FRMD4B: variants seen among roughly 807,000 people sequenced by gnomAD.
The protein encoded by FRMD4B is FERM domain containing 4B, also known as FERM domain-containing protein 4B.
Under a neutral mutation model 141.5 loss-of-function variants are expected in FRMD4B, and 74 were observed. The observed-to-expected ratio is 0.52, with a 90% CI of 0.43 to 0.63. FRMD4B has a LOEUF of 0.63. Among genes scored for constraint, FRMD4B ranks in the 30% least tolerant of loss-of-function variants. The pLI is 0.00. For synonymous variants in FRMD4B, 506 were observed against 467.9 expected, an observed-to-expected ratio of 1.08 and a Z score of -1.05; for missense variants, 1,366 against 1,253.4, an observed-to-expected ratio of 1.09 and a Z score of -1.36.
At chr3:69,245,656 TTTC>T (rs2093419732) in intron 7 of FRMD4B, among the ~76,000 whole-genome samples, 1 of 103,444 alleles carries the variant, frequency 9.7e-6, no homozygotes, top group Non-Finnish European at 1.9e-5. Context: ...CTTGGCTGAT[TTTC>T]TTTTCTTTTT....
chr3:69,344,837 G>GA (rs1281073051), intron 1 of FRMD4B, among the ~76,000 whole-genome samples: 2 of 151,966 alleles, frequency 1.3e-5, no homozygotes, highest in African/African-American at 2.4e-5. Context: ...AAGAAAAAAA[G>GA]AAAAAACAAC....
At chr3:69,236,851 G>A (rs1176787958) in intron 7 of FRMD4B, among the ~76,000 whole-genome samples, 3 of 152,182 alleles carry the variant, frequency 2.0e-5, no homozygotes, top group Non-Finnish European at 4.4e-5. Flanking sequence ...CAGAAAGCTA[G>A]AGCTCAAGTT....
At chr3:69,234,316 C>G (rs2093330525) in intron 7 of FRMD4B, among the ~76,000 whole-genome samples, 1 of 151,034 alleles carries the variant, frequency 6.6e-6, no homozygotes, top group Admixed American at 6.6e-5. Context: ...AACTATCAAT[C>G]AAACCATTTG....
At chr3:69,357,840 G>A (rs1703367896) in intron 1 of FRMD4B, among the ~76,000 whole-genome samples, 1 of 152,134 alleles carries the variant, frequency 6.6e-6, no homozygotes, top group African/African-American at 2.4e-5. Flanking sequence ...AATTTAGTGA[G>A]GTTTGCACTA....
chr3:69,283,763 T>C (rs2093654758), intron 5 of FRMD4B, among the ~76,000 whole-genome samples: 2 of 152,220 alleles, frequency 1.3e-5, no homozygotes, highest in Admixed American at 6.5e-5. Flanking sequence ...GTTTGTTATA[T>C]AGGTGTCTAC....
Position 69,182,565 on chromosome 3 carries a change from A to C in FRMD4B, c.2039+33T>G, listed in dbSNP as rs556587870. On this transcript the variant is annotated intron_variant, in intron 20 of 22. Transcript: ENST00000398540. ...ACAGAACCTCAAAGCAAAAATCAAGACAGCTAAAGCAATGAGAAAGAAGCT... is the reference window on the plus strand; with the variant it reads ...ACAGAACCTCAAAGCAAAAATCAAGCCAGCTAAAGCAATGAGAAAGAAGCT... The C allele has an allele frequency of 1.9e-5, 29 of 1,562,692 alleles. No individual in the cohort carries two copies. In the Admixed American group the frequency reaches 2.6e-4, roughly 14 times the overall value.
chr3:69,525,134 A>G (rs573992327), intron 1 of FRMD4B, among the ~76,000 whole-genome samples: 1 of 152,380 alleles, frequency 6.6e-6, no homozygotes, highest in South Asian at 2.1e-4. Context: ...ATGAGAGCTG[A>G]AAGGAAAACA....
At chr3:69,467,921 A>G (rs999603003) in intron 1 of FRMD4B, among the ~76,000 whole-genome samples, 1 of 152,220 alleles carries the variant, frequency 6.6e-6, no homozygotes. Context: ...CCAATGTGGA[A>G]AAACGCAGAG....
intron 1 of FRMD4B, among the ~76,000 whole-genome samples, chr3:69,319,032 C>T (rs920233689): frequency 3.3e-5 from 5 of 152,206 alleles, no homozygotes; most frequent in Non-Finnish European, 7.3e-5. Flanking sequence ...CCAAAACAAA[C>T]ACAAACCCTG....
At chr3:69,267,616 T>G (rs1575674853) in intron 5 of FRMD4B, among the ~76,000 whole-genome samples, 2 of 98,734 alleles carry the variant, frequency 2.0e-5, no homozygotes, top group Non-Finnish European at 3.8e-5. Context: ...TATATATATA[T>G]ATATATATAT....
chr3:69,406,286 G>A (rs1704648657), intron 2 of FRMD4B, among the ~76,000 whole-genome samples: 1 of 152,156 alleles, frequency 6.6e-6, no homozygotes, highest in Non-Finnish European at 1.5e-5. Context: ...ATGGCTCTTG[G>A]AAAACCTCAT....
At position 69,458,871 on chromosome 3, in the gene FRMD4B, AAAG is replaced by A. The variant is rs1286690957; in HGVS notation, c.-128-26113_-128-26111del. ...GCTTAAAAAAAAAAAAAAAAAAAAA[AAAG>A]GAGTCTAATTTGCTCCAAAGACCCA... On this transcript the variant is annotated intron_variant, in intron 1 of 5. Transcript: ENST00000459638. 8.6e-3 allele frequency among the ~76,000 whole-genome samples: 1,308 copies of A among 151,432 alleles called. 10 individuals carry two copies. The highest frequency in any genetic ancestry group is 0.016 in the Non-Finnish European group (1,079 of 67,774).
chr3:69,541,457 T>A (rs1701183171), intron 1 of FRMD4B: 1 of 152,206 alleles, frequency 6.6e-6, no homozygotes, highest in Non-Finnish European at 1.5e-5. Flanking sequence ...CTGCGGCTGC[T>A]TTCTCAGGCG....
At chr3:69,515,654 C>G (rs1700745670) in intron 1 of FRMD4B, among the ~76,000 whole-genome samples, 1 of 151,702 alleles carries the variant, frequency 6.6e-6, no homozygotes, top group African/African-American at 2.4e-5. Context: ...AAATAATTAT[C>G]AAAATATTAA....
intron 1 of FRMD4B, among the ~76,000 whole-genome samples, chr3:69,466,297 T>C (rs1705785653): frequency 6.6e-6 from 1 of 152,230 alleles, no homozygotes; most frequent in Non-Finnish European, 1.5e-5. Context: ...ATTAGCCCTC[T>C]GTCAGATGGG....
At chr3:69,457,779 C>T (rs1356436380) in intron 1 of FRMD4B, among the ~76,000 whole-genome samples, 1 of 152,192 alleles carries the variant, frequency 6.6e-6, no homozygotes, top group Non-Finnish European at 1.5e-5. Flanking sequence ...CCCTTGCGCC[C>T]ACAATCACAT....
rs764229250 is a variant in FRMD4B at position 69,176,507 on chromosome 3, G to A, written c.2984+17C>T. On this transcript the variant is annotated intron_variant, in intron 22 of 22. Coordinates refer to ENST00000398540, the MANE Select transcript of FRMD4B (RefSeq NM_015123.3). ...ACTGGAACAGGCTCCTAGGATTTTC[G>A]AGCATTGCTTCCTCACCTGCTTGGA... 32 of 1,602,554 alleles carry A rather than the reference G, an allele frequency of 2.0e-5. No homozygotes were observed. The highest frequency in any genetic ancestry group is 6.6e-5 in the South Asian group (6 of 90,526).
At chr3:69,244,578 A>T (rs2106735476) in intron 7 of FRMD4B, among the ~76,000 whole-genome samples, 1 of 152,130 alleles carries the variant, frequency 6.6e-6, no homozygotes, top group East Asian at 1.9e-4. Context: ...GGTTGCAGTG[A>T]GCCAAGATGG....
rs80011119 is a variant in FRMD4B, at chr3:69,500,648, T to C, written c.-129+41558A>G. ...AAGGGCACAAAGTGAGGGCACATAGTTACCTGAACCTGGTAAGAACTGGAA... is the reference window on the plus strand; with the variant it reads ...AAGGGCACAAAGTGAGGGCACATAGCTACCTGAACCTGGTAAGAACTGGAA... On this transcript the variant is annotated intron_variant, in intron 1 of 5. Transcript: ENST00000459638. 1.4e-3 allele frequency among the ~76,000 whole-genome samples: 209 copies of C among 152,142 alleles called. 8 individuals are homozygous for C. The East Asian group carries it at 0.035, about 25-fold the overall frequency.
Sources: allele counts gnomAD v4.1 joint callset (sites outside exome capture counted in the v4.1 genomes callset), GRCh38; gene constraint gnomAD v4.1.1; transcripts MANE v1.5; gene names NCBI Gene and HGNC (gene_info 2026-07-23, HGNC 2026-07-21).